RANBP3: variants seen among roughly 807,000 people sequenced by gnomAD.
RANBP3 encodes RAN binding protein 3, also known as ran-binding protein 3.
RANBP3 carries 14 observed loss-of-function variants against 77.3 expected under a neutral mutation model. The ratio of observed to expected loss-of-function variants is 0.18; its 90% CI spans 0.12 to 0.28. The LOEUF (loss-of-function observed/expected upper bound fraction) is 0.28. Ranked by LOEUF, RANBP3 falls within the 10% of genes least tolerant of loss-of-function variation. RANBP3 has a pLI of 1.00. For synonymous variants in RANBP3, 315 were observed against 312.4 expected (o/e 1.01, Z -0.09); for missense variants, 586 against 752.3 (o/e 0.78, Z 2.59).
intron 12 of RANBP3, 93 bp from the exon 13 acceptor site, chr19:5,923,396 G>A (rs2057853576): frequency 7.6e-7 from 1 of 1,312,936 alleles, no homozygotes; most frequent in African/African-American, 1.4e-5. Flanking sequence ...GGTTGGTTCT[G>A]GTCTCAAGGA....
In RANBP3 at chr19:5,924,429, C is replaced by T. The variant is rs951697306; in HGVS notation, c.996+398G>A. Among the ~76,000 whole-genome samples, 3 of 152,256 alleles carry T rather than the reference C, an allele frequency of 2.0e-5. No homozygotes were observed. The highest frequency in any genetic ancestry group is 4.8e-5 in the African/African-American group (2 of 41,472). ...TTTCGTGCACCCAAGGCCTTGGCCG[C>T]GGTTATGCTCACAGGAGCAGGGAGG... On this transcript the variant is annotated intron_variant, in intron 11 of 16. Transcript: ENST00000340578. The surrounding 1 kb of genome is among the most constrained non-coding windows in gnomAD (Gnocchi z 4.7).
chr19:5,976,260 A>G (rs888779762), intron 1 of RANBP3: 3 of 152,162 alleles, frequency 2.0e-5, no homozygotes, highest in African/African-American at 4.8e-5. Flanking sequence ...CTCTAGACTT[A>G]CCTATGACAC....
At chr19:5,971,863 G>A (rs930932760) in intron 1 of RANBP3, among the ~76,000 whole-genome samples, 1 of 152,230 alleles carries the variant, frequency 6.6e-6, no homozygotes, top group African/African-American at 2.4e-5. Context: ...AGAGAAGGAA[G>A]TGGGCTAGGC....
At chr19:5,973,110 A>G (rs1303471394) in intron 1 of RANBP3, among the ~76,000 whole-genome samples, 1 of 152,234 alleles carries the variant, frequency 6.6e-6, no homozygotes, top group Non-Finnish European at 1.5e-5. Flanking sequence ...AGGTGAAAGC[A>G]CACATTCTGC....
At chr19:5,970,098 C>T (rs1007853533) in intron 1 of RANBP3, among the ~76,000 whole-genome samples, 2 of 152,140 alleles carry the variant, frequency 1.3e-5, no homozygotes, top group African/African-American at 4.8e-5. Context: ...CTGTTACAGA[C>T]ATCTAGTGGA....
chr19:5,921,386 A>T lies in RANBP3; in HGVS notation c.1210-65T>A. On this transcript the variant is annotated intron_variant, in intron 13 of 16. Transcript: ENST00000340578. This position sits in a 1 kb window ranked among gnomAD's most constrained non-coding sequence, Gnocchi z 5.3. Reference sequence around the variant, plus strand: ...GGTGTCCTGCTGCAGCCACACCCTGAGAGTCGCCCTTTAGCCTGTGGGGAC... The same window carrying T: ...GGTGTCCTGCTGCAGCCACACCCTGTGAGTCGCCCTTTAGCCTGTGGGGAC... The T allele has an allele frequency of 6.3e-7, 1 of 1,594,238 alleles. No homozygotes were observed. Among genetic ancestry groups the T allele is most frequent in the Non-Finnish European group, 8.6e-7 (1 of 1,169,052 alleles).
chr19:5,936,101 G>A (rs74174359), intron 5 of RANBP3, among the ~76,000 whole-genome samples: 4,143 of 152,362 alleles, frequency 0.027, 61 homozygotes, highest in Non-Finnish European at 0.041. Context: ...CCCCCAGGGA[G>A]CCCCGATTTA....
chr19:5,940,597 T>C (rs993587368), intron 5 of RANBP3, among the ~76,000 whole-genome samples: 2 of 152,232 alleles, frequency 1.3e-5, no homozygotes, highest in African/African-American at 2.4e-5. Flanking sequence ...CCTGGCTTCC[T>C]ACGCTGTGTG....
At chr19:5,962,129 C>T (rs925726071) in intron 1 of RANBP3, among the ~76,000 whole-genome samples, 1 of 152,020 alleles carries the variant, frequency 6.6e-6, no homozygotes, top group African/African-American at 2.4e-5. Context: ...GCGTACACCG[C>T]ATCAACACCC....
In RANBP3 at chr19:5,920,167, T is replaced by G. The variant is rs137974950; in HGVS notation, c.1330+1034A>C. 6.6e-3 allele frequency among the ~76,000 whole-genome samples: 1,002 copies of G among 152,192 alleles called. 8 individuals carry two copies. The highest frequency in any genetic ancestry group is 0.023 in the African/African-American group (963 of 41,538). On this transcript the variant is annotated intron_variant, in intron 14 of 16. Transcript: ENST00000340578. ...ATTCCAGCGCTTTGGGAGGCTGAGG[T>G]GGGAGGACTGTTTGATGCCAGGAGC... is the stretch of plus-strand genomic sequence containing the variant.
rs1202119684 is a variant in RANBP3, at chr19:5,952,369, CG to C, written c.79-774del. Among the ~76,000 whole-genome samples the C allele has an allele frequency of 1.3e-5, 2 of 152,160 alleles. No homozygotes were observed. The highest frequency in any genetic ancestry group is 2.9e-5 in the Non-Finnish European group (2 of 68,014). ...GGAAAGCTGCCAAGGTGAGAGCAGC[CG>C]GTTCCAGAAGTCTTCCTCCCCACAG... On this transcript the variant is annotated intron_variant, in intron 2 of 16. Transcript: ENST00000340578. The surrounding 1 kb of genome is among the most constrained non-coding windows in gnomAD (Gnocchi z 4.1).
chr19:5,969,965 T>C (rs1417522670), intron 1 of RANBP3, among the ~76,000 whole-genome samples: 1 of 152,250 alleles, frequency 6.6e-6, no homozygotes, highest in African/African-American at 2.4e-5. Context: ...AATTTATTCC[T>C]GGGTAGGTTC....
At chr19:5,931,030 C>A (rs75944016) in intron 8 of RANBP3, among the ~76,000 whole-genome samples, 1,640 of 152,276 alleles carry the variant, frequency 0.011, 24 homozygotes, top group South Asian at 0.059. Flanking sequence ...TTCCTCGGGC[C>A]CTAGTGACTC....
At chr19:5,961,335 C>T (rs1338395159) in intron 1 of RANBP3, among the ~76,000 whole-genome samples, 1 of 151,710 alleles carries the variant, frequency 6.6e-6, no homozygotes, top group African/African-American at 2.4e-5. Flanking sequence ...CCCAGCAACT[C>T]GGGAGGCTGA....
At chr19:5,955,272 A>G (rs915172910) in intron 2 of RANBP3, among the ~76,000 whole-genome samples, 2 of 152,162 alleles carry the variant, frequency 1.3e-5, no homozygotes, top group South Asian at 4.1e-4. Context: ...CTGGGATTAC[A>G]GGCATCTGCC....
chr19:5,925,150 T>A (rs1250702344), intron 10 of RANBP3: 3 of 543,756 alleles, frequency 5.5e-6, no homozygotes, highest in Non-Finnish European at 1.0e-5. Flanking sequence ...CCACCTGCTC[T>A]ACCCGCCCAT....
At chr19:5,964,744 G>C (rs1262100158) in intron 1 of RANBP3, among the ~76,000 whole-genome samples, 4 of 151,846 alleles carry the variant, frequency 2.6e-5, no homozygotes, top group Non-Finnish European at 5.9e-5. Context: ...AGGTCAGGGT[G>C]GCACATGCAG....
chr19:5,920,270 G>C (rs1210120093), intron 14 of RANBP3, among the ~76,000 whole-genome samples: 1 of 152,076 alleles, frequency 6.6e-6, no homozygotes, highest in Non-Finnish European at 1.5e-5. Context: ...ACGTGGTGGT[G>C]CATCTGTAGT....
chr19:5,936,270 G>A (rs576741380), intron 5 of RANBP3, among the ~76,000 whole-genome samples: 5 of 152,382 alleles, frequency 3.3e-5, no homozygotes, highest in African/African-American at 1.2e-4. Context: ...GAGGACAGAG[G>A]GTGCCGGTTT....
Sources: allele counts gnomAD v4.1 joint callset (sites outside exome capture counted in the v4.1 genomes callset), GRCh38; gene constraint gnomAD v4.1.1; non-coding constraint Gnocchi (gnomAD v3.1); transcripts MANE v1.5; gene names NCBI Gene and HGNC (gene_info 2026-07-23, HGNC 2026-07-21).